RPS6KC1: variants seen among roughly 807,000 people sequenced by gnomAD.
The protein encoded by RPS6KC1 is ribosomal protein S6 kinase C1, also known as inactive ribosomal protein S6 kinase delta-1.
A neutral mutation model predicts 103.8 loss-of-function variants in RPS6KC1; 54 were observed. The observed-to-expected ratio is 0.52, with a 90% CI of 0.42 to 0.65. The LOEUF (loss-of-function observed/expected upper bound fraction) is 0.65, where lower values mean the gene tolerates loss of function less well. Ranked by LOEUF, RPS6KC1 falls within the 30% of genes least tolerant of loss-of-function variation. The probability of loss-of-function intolerance (pLI) is 0.00; values close to 1 mark genes in which losing one functional copy is unlikely to be tolerated. For synonymous variants in RPS6KC1, 439 were observed against 438.7 expected (o/e 1.00, Z -0.01); for missense variants, 1,151 against 1,253.8 (o/e 0.92, Z 1.24).
chr1:213,551,342 A>T, the RPS6KC1 span, among the ~76,000 whole-genome samples: 6 of 152,246 alleles, frequency 3.9e-5, no homozygotes, highest in South Asian at 1.2e-3. Flanking sequence ...CAGCCCAGAC[A>T]AAAGGGGGAA....
At chr1:213,628,718 T>G in the RPS6KC1 span, among the ~76,000 whole-genome samples, 2 of 152,188 alleles carry the variant, frequency 1.3e-5, no homozygotes, top group East Asian at 3.8e-4. Context: ...TTGTGGGCAT[T>G]TAGTGCTATA....
At chr1:213,838,759 G>A in the RPS6KC1 span, among the ~76,000 whole-genome samples, 1 of 152,140 alleles carries the variant, frequency 6.6e-6, no homozygotes, top group Admixed American at 6.6e-5. Context: ...CTGGCAGGAG[G>A]AACTCTCCCT....
chr1:213,582,131 T>C, the RPS6KC1 span, among the ~76,000 whole-genome samples: 1 of 150,566 alleles, frequency 6.6e-6, no homozygotes, highest in Non-Finnish European at 1.5e-5. Context: ...CCAATGACTG[T>C]CCTGACACAT....
At chr1:213,661,701 A>G in the RPS6KC1 span, among the ~76,000 whole-genome samples, 5 of 152,242 alleles carry the variant, frequency 3.3e-5, no homozygotes, top group East Asian at 1.9e-4. Context: ...AAGACACATC[A>G]GCCATCTTAC....
chr1:213,492,046 C>T, the RPS6KC1 span, among the ~76,000 whole-genome samples: 231 of 152,302 alleles, frequency 1.5e-3, no homozygotes, highest in African/African-American at 5.3e-3. Flanking sequence ...CTCCCTCCCC[C>T]GTATGTAAGC....
intron 6 of RPS6KC1, among the ~76,000 whole-genome samples, chr1:213,142,079 G>T (rs769305873): frequency 1.6e-4 from 24 of 152,006 alleles, no homozygotes; most frequent in Non-Finnish European, 1.2e-4. Flanking sequence ...ATATATTTAG[G>T]ATAGTCAAGT....
At chr1:213,324,768 G>C in the RPS6KC1 span, among the ~76,000 whole-genome samples, 1 of 152,002 alleles carries the variant, frequency 6.6e-6, no homozygotes, top group Admixed American at 6.6e-5. Flanking sequence ...AGGATAGTGA[G>C]TGCTTTCACA....
the RPS6KC1 span, among the ~76,000 whole-genome samples, chr1:213,416,397 A>G: frequency 3.3e-5 from 5 of 152,180 alleles, no homozygotes; most frequent in Non-Finnish European, 5.9e-5. Context: ...AATGCATAGG[A>G]TTTGGGCAGG....
chr1:213,719,087 GT>G, the RPS6KC1 span, among the ~76,000 whole-genome samples: 1 of 152,178 alleles, frequency 6.6e-6, no homozygotes, highest in South Asian at 2.1e-4. Flanking sequence ...ATTGTTTAAG[GT>G]TGTTGGCTGA....
chr1:213,084,450 G>A (rs2080196135), intron 3 of RPS6KC1, among the ~76,000 whole-genome samples: 1 of 151,892 alleles, frequency 6.6e-6, no homozygotes, highest in Non-Finnish European at 1.5e-5. Context: ...TTTTTAATGA[G>A]CTATTCCAAA....
chr1:213,810,243 G>C, the RPS6KC1 span, among the ~76,000 whole-genome samples: 1 of 152,206 alleles, frequency 6.6e-6, no homozygotes, highest in Non-Finnish European at 1.5e-5. Flanking sequence ...GCAAAGTAAT[G>C]CTGGCAGTTG....
chr1:213,715,171 A>G, the RPS6KC1 span, among the ~76,000 whole-genome samples: 73 of 152,360 alleles, frequency 4.8e-4, no homozygotes, highest in African/African-American at 1.7e-3. Context: ...ATTGTAAAGA[A>G]GTCGGAAGCA....
the RPS6KC1 span, among the ~76,000 whole-genome samples, chr1:213,728,465 C>A: frequency 1.3e-5 from 2 of 152,164 alleles, no homozygotes; most frequent in Admixed American, 6.5e-5. Context: ...TAAACAAGAG[C>A]TAGTCTTTAT....
chr1:213,540,081 G>A, the RPS6KC1 span, among the ~76,000 whole-genome samples: 6 of 30,628 alleles, frequency 2.0e-4, no homozygotes, highest in Non-Finnish European at 3.6e-4. Flanking sequence ...GATCAGGGTG[G>A]TGGTTCTGAA....
chr1:213,500,234 A>G, the RPS6KC1 span, among the ~76,000 whole-genome samples: 12 of 152,238 alleles, frequency 7.9e-5, no homozygotes, highest in African/African-American at 2.9e-4. Flanking sequence ...AAACTTTTTT[A>G]TTAAAAACTA....
the RPS6KC1 span, among the ~76,000 whole-genome samples, chr1:213,440,836 C>T: frequency 6.6e-6 from 1 of 152,098 alleles, no homozygotes; most frequent in Non-Finnish European, 1.5e-5. Context: ...TGAGGGCTTC[C>T]CACCCATCAC....
chr1:213,568,402 G>A, the RPS6KC1 span, among the ~76,000 whole-genome samples: 73 of 152,192 alleles, frequency 4.8e-4, no homozygotes, highest in Non-Finnish European at 1.2e-4. Context: ...AAGGAAGGGG[G>A]CTTAATGGTG....
At chr1:213,418,636 T>C in the RPS6KC1 span, among the ~76,000 whole-genome samples, 1 of 152,230 alleles carries the variant, frequency 6.6e-6, no homozygotes, top group Non-Finnish European at 1.5e-5. Flanking sequence ...GCACTTTCTC[T>C]GCTAAATGAG....
the RPS6KC1 span, among the ~76,000 whole-genome samples, chr1:213,524,546 C>T: frequency 0.65 from 98,472 of 152,100 alleles, 33,958 homozygotes; most frequent in East Asian, 0.98. Context: ...ACCCCTTCTT[C>T]TGTCATTGAG....
Sources: allele counts gnomAD v4.1 joint callset (sites outside exome capture counted in the v4.1 genomes callset), GRCh38; gene constraint gnomAD v4.1.1; transcripts MANE v1.5; gene names NCBI Gene and HGNC (gene_info 2026-07-23, HGNC 2026-07-21).